Variants in LRRC4C observed in about 807,000 individuals in gnomAD.
The protein encoded by LRRC4C is leucine-rich repeat-containing protein 4C.
A neutral mutation model predicts 33.6 loss-of-function variants in LRRC4C; 5 were observed. The observed-to-expected ratio is 0.15, with a 90% CI of 0.08 to 0.31. The LOEUF (loss-of-function observed/expected upper bound fraction) is 0.31, where lower values mean the gene tolerates loss of function less well. Among genes scored for constraint, LRRC4C ranks in the 10% least tolerant of loss-of-function variants. The pLI, the probability that LRRC4C is intolerant of heterozygous loss-of-function variation, is 1.00. For synonymous variants in LRRC4C, 329 were observed against 302.0 expected (o/e 1.09, Z -0.93); for missense variants, 560 against 796.7 (o/e 0.70, Z 3.58).
chr11:41,416,768 T>C (rs1479735121), intron 1 of LRRC4C, among the ~76,000 whole-genome samples: 1 of 152,034 alleles, frequency 6.6e-6, no homozygotes, highest in Admixed American at 6.6e-5. Flanking sequence ...AATATCTACC[T>C]AACTACTTCA....
intron 3 of LRRC4C, among the ~76,000 whole-genome samples, chr11:40,471,835 C>T (rs1952953529): frequency 6.6e-6 from 1 of 152,186 alleles, no homozygotes; most frequent in Non-Finnish European, 1.5e-5. Context: ...CTACAGAACT[C>T]TCCACCACAA....
chr11:41,293,562 A>C (rs1477870848), intron 1 of LRRC4C, among the ~76,000 whole-genome samples: 3 of 151,736 alleles, frequency 2.0e-5, no homozygotes, highest in Non-Finnish European at 4.4e-5. Context: ...TTCACTAATC[A>C]TGTTATTTTA....
At chr11:40,327,093 A>T (rs1223805074) in intron 3 of LRRC4C, among the ~76,000 whole-genome samples, 1 of 152,212 alleles carries the variant, frequency 6.6e-6, no homozygotes, top group African/African-American at 2.4e-5. Context: ...CTTAATGCTG[A>T]ATGTGGTTAG....
At chr11:40,318,578 A>G (rs1945689206) in intron 4 of LRRC4C, among the ~76,000 whole-genome samples, 1 of 152,090 alleles carries the variant, frequency 6.6e-6, no homozygotes, top group South Asian at 2.1e-4. Flanking sequence ...TTTTCAATAC[A>G]TTATATTTCC....
At chr11:40,312,003 G>T (rs979843752) in intron 4 of LRRC4C, among the ~76,000 whole-genome samples, 17 of 151,496 alleles carry the variant, frequency 1.1e-4, no homozygotes, top group Non-Finnish European at 1.6e-4. Context: ...GTGCTTTATG[G>T]TTTTGTATGT....
Position 40,356,356 on chromosome 11 carries a change from C to T in LRRC4C, c.-269-36635G>A, listed in dbSNP as rs187137603. ...AGTATCACAAGCACTTAAAGGATTA[C>T]GTGGGACATAGTATGCATTCTATTA... On this transcript the variant is annotated intron_variant, in intron 3 of 6. Coordinates refer to ENST00000528697, the MANE Select transcript of LRRC4C (RefSeq NM_001258419.2). Among the ~76,000 whole-genome samples, 134 of 152,254 alleles carry T rather than the reference C, an allele frequency of 8.8e-4. 1 individual carries two copies. Among genetic ancestry groups the T allele is most frequent in the African/African-American group, 3.1e-3 (127 of 41,564 alleles).
intron 3 of LRRC4C, among the ~76,000 whole-genome samples, chr11:40,354,519 CT>C (rs1318993023): frequency 1.3e-5 from 2 of 152,288 alleles, no homozygotes; most frequent in Non-Finnish European, 2.9e-5. Context: ...ATGGTCTATT[CT>C]AATGTAGCTG....
At chr11:41,117,330 A>G (rs12796458) in intron 1 of LRRC4C, among the ~76,000 whole-genome samples, 38,752 of 152,086 alleles carry the variant, frequency 0.25, 5,271 homozygotes, top group East Asian at 0.41. Context: ...TACTGATACA[A>G]ATTTTAAAAA....
intron 1 of LRRC4C, among the ~76,000 whole-genome samples, chr11:41,295,396 A>G (rs918375611): frequency 6.6e-6 from 1 of 152,202 alleles, no homozygotes; most frequent in Non-Finnish European, 1.5e-5. Flanking sequence ...ATTTAGCAAT[A>G]TACAACTCCT....
intron 2 of LRRC4C, among the ~76,000 whole-genome samples, chr11:40,825,819 T>A (rs1184136629): frequency 6.6e-6 from 1 of 151,632 alleles, no homozygotes; most frequent in Non-Finnish European, 1.5e-5. Context: ...TAGGAAAGGT[T>A]GAAGGATTCT....
chr11:41,126,245 C>A (rs985545424), intron 1 of LRRC4C, among the ~76,000 whole-genome samples: 5 of 151,692 alleles, frequency 3.3e-5, no homozygotes, highest in African/African-American at 1.2e-4. Context: ...TTCCACCCTT[C>A]TATTTTTTTA....
intron 5 of LRRC4C, among the ~76,000 whole-genome samples, chr11:40,160,385 CTA>C (rs999179465): frequency 1.3e-5 from 2 of 151,992 alleles, no homozygotes; most frequent in African/African-American, 4.8e-5. Context: ...CATCACAAGA[CTA>C]AAGATGGTTA....
Position 41,099,224 on chromosome 11 carries a change from C to G in LRRC4C, c.-495-165501G>C, listed in dbSNP as rs570987153. Reference sequence around the variant, plus strand: ...TACCATCCAAAAAAAGCCCAGGTCTCTAGACAGATTCAGAGCCAAATTCAA... The same window carrying G: ...TACCATCCAAAAAAAGCCCAGGTCTGTAGACAGATTCAGAGCCAAATTCAA... On this transcript the variant is annotated intron_variant, in intron 1 of 6. Transcript: ENST00000528697. Among the ~76,000 whole-genome samples the G allele has an allele frequency of 9.2e-5, 14 of 152,028 alleles. No individual in the cohort carries two copies. The South Asian group carries it at 2.9e-3, about 32-fold the overall frequency.
Position 40,819,609 on chromosome 11 carries a change from A to T in LRRC4C, c.-407+114026T>A, listed in dbSNP as rs562187798. 4.3e-4 allele frequency among the ~76,000 whole-genome samples: 65 copies of T among 152,202 alleles called. 2 individuals are homozygous for T. The South Asian group carries it at 0.013, about 32-fold the overall frequency. Reference sequence around the variant, plus strand: ...CTGAGGCTATACATATATGTAGTTAAAAATTAGGAGCTTCTAAGCTAGCCG... The same window carrying T: ...CTGAGGCTATACATATATGTAGTTATAAATTAGGAGCTTCTAAGCTAGCCG... On this transcript the variant is annotated intron_variant, in intron 2 of 6. Coordinates refer to ENST00000528697, the MANE Select transcript of LRRC4C (RefSeq NM_001258419.2).
At chr11:40,897,794 C>T (rs1483866283) in intron 2 of LRRC4C, among the ~76,000 whole-genome samples, 3 of 152,202 alleles carry the variant, frequency 2.0e-5, no homozygotes, top group African/African-American at 7.2e-5. Context: ...CCAGATTAAT[C>T]ACAACCAGCC....
intron 3 of LRRC4C, among the ~76,000 whole-genome samples, chr11:40,474,434 A>G (rs911899302): frequency 8.5e-5 from 13 of 152,240 alleles, no homozygotes; most frequent in Non-Finnish European, 1.9e-4. Flanking sequence ...AAATTAACTC[A>G]GGATGGGTTA....
chr11:41,359,680 T>C (rs932048165), intron 1 of LRRC4C, among the ~76,000 whole-genome samples: 1 of 152,158 alleles, frequency 6.6e-6, no homozygotes, highest in Non-Finnish European at 1.5e-5. Flanking sequence ...TGACAATGCA[T>C]AAAGCAAGCT....
intron 2 of LRRC4C, among the ~76,000 whole-genome samples, chr11:40,831,245 T>G (rs1031287755): frequency 6.6e-6 from 1 of 152,158 alleles, no homozygotes; most frequent in Non-Finnish European, 1.5e-5. Context: ...ACTTTTGCTC[T>G]CTGGTAAATG....
Position 40,115,225 on chromosome 11 carries a change from A to G in LRRC4C, c.1068T>C (p.Ile356=), listed in dbSNP as rs138869913. 4.9e-5 allele frequency: 79 copies of G among 1,614,162 alleles called. No homozygotes were observed. In the African/African-American group the frequency reaches 9.5e-4, roughly 19 times the overall value. ...CATTGAGGTCTGCAGGGGGCTCCAC[A>G]ATCACCGGAGCATAGCATGTGAAGT... The part of the protein sequence containing the change: ...QNYFTCYAPV[I]VEPPADLNVT... The change falls in exon 7 of 7, where the codon ATT becomes ATC. Residue 356 remains isoleucine (I), a synonymous_variant. Transcript: ENST00000528697. This position sits in a 1 kb window ranked among gnomAD's most constrained non-coding sequence, Gnocchi z 6.7.
Sources: gnomAD v4.1 joint callset for allele counts (sites outside exome capture counted in the v4.1 genomes callset) on GRCh38, gnomAD v4.1.1 for gene constraint, Gnocchi (gnomAD v3.1) non-coding constraint, MANE v1.5 for transcripts, NCBI Gene and HGNC (gene_info 2026-07-23, HGNC 2026-07-21) for gene names.